Variants in NEO1 observed in about 807,000 individuals in gnomAD.
NEO1 encodes neogenin 1.
Under a neutral mutation model 159.7 loss-of-function variants are expected in NEO1, and 63 were observed. That is an observed-to-expected ratio of 0.39 (90% CI 0.32 to 0.49). The LOEUF (loss-of-function observed/expected upper bound fraction) is 0.49, where lower values mean the gene tolerates loss of function less well. Among genes scored for constraint, NEO1 ranks in the 20% least tolerant of loss-of-function variants. The pLI, the probability that NEO1 is intolerant of heterozygous loss-of-function variation, is 0.85. For missense variants in NEO1, 1,615 were observed against 1,831.0 expected (o/e 0.88, Z 2.15); for synonymous variants, 633 against 662.0 (o/e 0.96, Z 0.67).
intron 4 of NEO1, among the ~76,000 whole-genome samples, chr15:73,133,727 C>T (rs951410191): frequency 2.6e-5 from 4 of 152,016 alleles, no homozygotes; most frequent in Middle Eastern, 3.2e-3. Context: ...TTGCCTGCAT[C>T]TTTGAATTTT....
Position 73,260,122 on chromosome 15 carries a change from A to G in NEO1, c.2204-149A>G, listed in dbSNP as rs1596508216. The G allele has an allele frequency of 1.3e-5, 7 of 543,384 alleles. No homozygotes were observed. In the East Asian group the frequency reaches 2.0e-4, roughly 16 times the overall value. 33.7% of individuals were successfully genotyped at this position (543,384 alleles called of 1,614,324 possible). A position where few individuals can be genotyped will look rare whatever the true frequency, so the allele number is the denominator to read the frequency against. ...AAAATCATGGGCTGTATTTCACTAT[A>G]CATACAGATTCTTTTTGAACTCTTG... On this transcript the variant is annotated intron_variant, in intron 14 of 28. Transcript: ENST00000261908.
chr15:73,216,718 G>A (rs2037907350), intron 7 of NEO1, among the ~76,000 whole-genome samples: 1 of 152,092 alleles, frequency 6.6e-6, no homozygotes, highest in Non-Finnish European at 1.5e-5. Flanking sequence ...TTTTTTGGCT[G>A]CATAAATGTC....
In NEO1 at chr15:73,294,164, C is replaced by T. The variant is rs963771767; in HGVS notation, c.3901+616C>T. 4.6e-5 allele frequency among the ~76,000 whole-genome samples: 7 copies of T among 152,152 alleles called. No individual in the cohort carries two copies. In the East Asian group the frequency reaches 9.6e-4, roughly 21 times the overall value. On this transcript the variant is annotated intron_variant, in intron 26 of 28. Transcript: ENST00000261908. ...CCTCTGAAGTGTATTTAAAGAAATA[C>T]GTTGCTAGACAAACATGTCCCCAGT... is the stretch of plus-strand genomic sequence containing the variant.
intron 1 of NEO1, among the ~76,000 whole-genome samples, chr15:73,075,301 G>A (rs754820615): frequency 6.6e-6 from 1 of 152,130 alleles, no homozygotes; most frequent in Non-Finnish European, 1.5e-5. Flanking sequence ...TTTGGTTGTG[G>A]TGCCTGTGTT....
chr15:73,282,840 A>G, intron 22 of NEO1, 124 bp from the exon 23 acceptor site: 4 of 1,185,252 alleles, frequency 3.4e-6, no homozygotes, highest in Non-Finnish European at 3.6e-6. Flanking sequence ...CGGCACTTTT[A>G]TATAAGTCAG....
chr15:73,263,167 T>C (rs1024399771), intron 15 of NEO1, among the ~76,000 whole-genome samples: 4 of 151,700 alleles, frequency 2.6e-5, no homozygotes, highest in African/African-American at 9.7e-5. Context: ...TTTTATTATA[T>C]GCTAATTATA....
At chr15:73,230,887 C>A (rs2038871036) in intron 7 of NEO1, among the ~76,000 whole-genome samples, 1 of 151,644 alleles carries the variant, frequency 6.6e-6, no homozygotes, top group South Asian at 2.1e-4. Context: ...GCCACCATGC[C>A]TGGCCTGTTA....
intron 7 of NEO1, among the ~76,000 whole-genome samples, chr15:73,214,731 G>T (rs2037778444): frequency 6.6e-6 from 1 of 151,984 alleles, no homozygotes; most frequent in South Asian, 2.1e-4. Context: ...TGTTCTTTTT[G>T]CTTAGTCTTG....
intron 1 of NEO1, among the ~76,000 whole-genome samples, chr15:73,095,004 A>AT (rs1278899117): frequency 2.0e-5 from 3 of 152,052 alleles, no homozygotes; most frequent in Non-Finnish European, 2.9e-5. Context: ...AGGTCAAGAG[A>AT]TTGAGACCAT....
chr15:73,301,833 A>G (rs1445113938), intron 28 of NEO1, among the ~76,000 whole-genome samples: 2 of 151,792 alleles, frequency 1.3e-5, no homozygotes, highest in Non-Finnish European at 2.9e-5. Flanking sequence ...ATGCCTGGCT[A>G]TTGTTTTGTA....
intron 1 of NEO1, among the ~76,000 whole-genome samples, chr15:73,087,689 A>G (rs1019825450): frequency 2.6e-5 from 4 of 152,212 alleles, no homozygotes; most frequent in Non-Finnish European, 5.9e-5. Flanking sequence ...AACTATAGAA[A>G]TGAATGATGA....
At chr15:73,283,584 A>G (rs1046052093) in intron 23 of NEO1, among the ~76,000 whole-genome samples, 3 of 152,218 alleles carry the variant, frequency 2.0e-5, no homozygotes, top group African/African-American at 7.2e-5. Flanking sequence ...GCCAGTGTCT[A>G]GTATTAGCTA....
intron 5 of NEO1, among the ~76,000 whole-genome samples, chr15:73,160,062 A>G (rs1384536845): frequency 6.6e-6 from 1 of 151,776 alleles, no homozygotes; most frequent in Non-Finnish European, 1.5e-5. Flanking sequence ...AATTTGTTGG[A>G]ACTTGTATAT....
chr15:73,175,011 G>A (rs2035202622), intron 5 of NEO1, among the ~76,000 whole-genome samples: 1 of 151,932 alleles, frequency 6.6e-6, no homozygotes, highest in African/African-American at 2.4e-5. Flanking sequence ...TTTTTGTACT[G>A]TTGTTCTTCA....
chr15:73,199,208 A>AAACTCTTGGCCTCTCAAAAACCCATGG (rs1322124575), intron 7 of NEO1, among the ~76,000 whole-genome samples: 2 of 151,100 alleles, frequency 1.3e-5, no homozygotes, highest in Admixed American at 1.3e-4. Context: ...TTAAGAGTAG[A>AAACTCTTGGCCTCTCAAAAACCCATGG]CTGGGATATG....
At chr15:73,174,191 A>T (rs1193914897) in intron 5 of NEO1, among the ~76,000 whole-genome samples, 8 of 152,154 alleles carry the variant, frequency 5.3e-5, no homozygotes, top group Non-Finnish European at 1.2e-4. Flanking sequence ...AAATATAGGG[A>T]TTAGCTATGA....
At chr15:73,179,309 C>T (rs997942555) in intron 7 of NEO1, among the ~76,000 whole-genome samples, 4 of 152,128 alleles carry the variant, frequency 2.6e-5, no homozygotes, top group African/African-American at 9.7e-5. Flanking sequence ...GGAAGAGGCC[C>T]CTCTTTTTAC....
intron 22 of NEO1, among the ~76,000 whole-genome samples, chr15:73,282,554 G>A (rs1033334343): frequency 6.6e-6 from 1 of 152,178 alleles, no homozygotes; most frequent in African/African-American, 2.4e-5. Context: ...TTGTATGAAT[G>A]AACATTTTTA....
intron 7 of NEO1, among the ~76,000 whole-genome samples, chr15:73,224,256 G>A (rs1329272774): frequency 6.6e-6 from 1 of 152,180 alleles, no homozygotes; most frequent in Non-Finnish European, 1.5e-5. Flanking sequence ...CTTAACTGTA[G>A]ATAAGTTAAG....
Sources: gnomAD v4.1 joint callset for allele counts (sites outside exome capture counted in the v4.1 genomes callset) on GRCh38, gnomAD v4.1.1 for gene constraint, MANE v1.5 for transcripts, NCBI Gene and HGNC (gene_info 2026-07-23, HGNC 2026-07-21) for gene names.